PARD6G: variants seen among roughly 807,000 people sequenced by gnomAD.
PARD6G encodes partitioning defective 6 homolog gamma.
A neutral mutation model predicts 10.7 loss-of-function variants in PARD6G; 7 were observed. The observed-to-expected ratio is 0.66, with a 90% CI of 0.37 to 1.23. The LOEUF is 1.23. Among genes scored for constraint, PARD6G ranks in the 50% most tolerant of loss-of-function variants. The pLI is 0.02. For missense variants in PARD6G, 548 were observed against 571.8 expected (o/e 0.96, Z 0.42); for synonymous variants, 287 against 269.4 (o/e 1.07, Z -0.64).
At position 80,180,591 on chromosome 18, in the gene PARD6G, C is replaced by A. The variant is rs143487647; in HGVS notation, c.296-19985G>T. 4.8e-4 allele frequency among the ~76,000 whole-genome samples: 73 copies of A among 152,280 alleles called. No individual in the cohort carries two copies. The highest frequency in any genetic ancestry group is 1.7e-3 in the African/African-American group (70 of 41,544). ...TCAGAACGGCAATCACATTCTCAAG[C>A]TTAACTGTCTCTATGGCACCGCAAA... On this transcript the variant is annotated intron_variant, in intron 2 of 2. Transcript: ENST00000353265. The surrounding 1 kb of genome is among the most constrained non-coding windows in gnomAD (Gnocchi z 5.6).
At chr18:80,177,764 C>A (rs577734459) in intron 2 of PARD6G, among the ~76,000 whole-genome samples, 2 of 151,384 alleles carry the variant, frequency 1.3e-5, no homozygotes, top group African/African-American at 4.9e-5. Context: ...AGCACACGCA[C>A]CCACGAGATA....
chr18:80,233,835 T>C (rs772279867), intron 1 of PARD6G, among the ~76,000 whole-genome samples: 5 of 152,168 alleles, frequency 3.3e-5, no homozygotes, highest in Admixed American at 3.3e-4. Context: ...CTGACTGATT[T>C]ATAACCCAGC....
chr18:80,245,350 C>T (rs1331348467), intron 1 of PARD6G, among the ~76,000 whole-genome samples: 1 of 152,196 alleles, frequency 6.6e-6, no homozygotes, highest in Admixed American at 6.5e-5. Context: ...CTCATGTTAA[C>T]CAACCAGTCC....
Position 80,160,017 on chromosome 18 carries a change from G to T in PARD6G, c.885C>A (p.Ser295Arg). The part of the protein sequence containing the change: ...LQNFHPDEAE[S>R]DEDNDVVIEG... The stretch of plus-strand genomic sequence containing the variant: ...CGATGACGACGTCGTTGTCCTCATC[G>T]CTCTCCGCCTCGTCGGGGTGGAAGT... Residue 295 changes from serine to arginine, a missense_variant, in exon 3 of 3, where the codon AGC becomes AGA. Ser to Arg is a moderately radical substitution (Grantham distance 110). Transcript: ENST00000353265. The T allele has an allele frequency of 6.5e-7, 1 of 1,531,404 alleles. No homozygotes were observed. Among genetic ancestry groups the T allele is most frequent in the East Asian group, 2.3e-5 (1 of 43,666 alleles). The allele number at this position is 1,531,404 out of a possible 1,614,324, so 94.9% of individuals were successfully genotyped here.
At chr18:80,229,186 C>T (rs1419385632) in intron 1 of PARD6G, among the ~76,000 whole-genome samples, 1 of 152,218 alleles carries the variant, frequency 6.6e-6, no homozygotes. Context: ...GATCCACCCA[C>T]CTCGGTCTCC....
chr18:80,177,653 T>C (rs931262844), intron 2 of PARD6G, among the ~76,000 whole-genome samples: 20 of 145,638 alleles, frequency 1.4e-4, no homozygotes, highest in African/African-American at 5.2e-4. Flanking sequence ...AGCACACACA[T>C]GCATGCATGC....
At chr18:80,212,052 TA>T (rs964804080) in intron 1 of PARD6G, among the ~76,000 whole-genome samples, 11 of 151,860 alleles carry the variant, frequency 7.2e-5, no homozygotes, top group East Asian at 1.9e-4. Flanking sequence ...ACAATACTGA[TA>T]AAAAAAAATC....
chr18:80,237,661 AC>A (rs1293071750), intron 1 of PARD6G, among the ~76,000 whole-genome samples: 1 of 152,244 alleles, frequency 6.6e-6, no homozygotes, highest in Non-Finnish European at 1.5e-5. Flanking sequence ...CAAGAAAAAA[AC>A]AACCCCATCA....
rs1009631089 is a variant in PARD6G, at chr18:80,192,841, T to G, written c.295+9869A>C. Among the ~76,000 whole-genome samples the G allele has an allele frequency of 1.3e-5, 2 of 152,174 alleles. No individual in the cohort carries two copies. Among genetic ancestry groups the G allele is most frequent in the African/African-American group, 4.8e-5 (2 of 41,528 alleles). On this transcript the variant is annotated intron_variant, in intron 2 of 2. Transcript: ENST00000353265. The surrounding 1 kb of genome is among the most constrained non-coding windows in gnomAD (Gnocchi z 4.9). ...CTCGCCGGCCGTGGGAGCTGGGCTG[T>G]CAGTCCTCCCCTCACTCCTGTGTGG...
chr18:80,204,258 G>T (rs1967035410), intron 1 of PARD6G, among the ~76,000 whole-genome samples: 1 of 152,160 alleles, frequency 6.6e-6, no homozygotes, highest in African/African-American at 2.4e-5. Flanking sequence ...ATATCATCTA[G>T]ACATTGTATG....
At chr18:80,171,115 A>G (rs182086910) in intron 2 of PARD6G, 2 of 152,354 alleles carry the variant, frequency 1.3e-5, no homozygotes, top group East Asian at 1.9e-4. Flanking sequence ...AGTAAAAGTA[A>G]TAATTAAAAA....
intron 2 of PARD6G, among the ~76,000 whole-genome samples, chr18:80,167,820 TG>T (rs1300427940): frequency 1.3e-5 from 2 of 152,068 alleles, no homozygotes; most frequent in Non-Finnish European, 2.9e-5. Context: ...CCCCTGGGCC[TG>T]GGGTGCAGCT....
chr18:80,191,599 C>A (rs1420842869), intron 2 of PARD6G, among the ~76,000 whole-genome samples: 2 of 152,204 alleles, frequency 1.3e-5, no homozygotes, highest in Admixed American at 6.5e-5. Flanking sequence ...TATCTGCTCA[C>A]AAGAAATTTT....
intron 2 of PARD6G, among the ~76,000 whole-genome samples, chr18:80,195,788 T>G (rs1342639542): frequency 6.7e-6 from 1 of 150,138 alleles, no homozygotes; most frequent in Non-Finnish European, 1.5e-5. Flanking sequence ...GGCAGGAGAA[T>G]CGCTTGAACC....
rs886722734 is a variant in PARD6G, at chr18:80,246,146, C to A, written c.72+1131G>T. On this transcript the variant is annotated intron_variant, in intron 1 of 2. Transcript: ENST00000353265. This position sits in a 1 kb window ranked among gnomAD's most constrained non-coding sequence, Gnocchi z 6.7. Reference sequence around the variant, plus strand: ...CAAGATAGGCACACAGTTAGGGGTGCGGGCTCCCACTCCGCCGTTAGGAGC... The same window carrying A: ...CAAGATAGGCACACAGTTAGGGGTGAGGGCTCCCACTCCGCCGTTAGGAGC... Among the ~76,000 whole-genome samples the A allele has an allele frequency of 6.6e-6, 1 of 152,054 alleles. No homozygotes were observed. The highest frequency in any genetic ancestry group is 1.9e-4 in the East Asian group (1 of 5,180).
At chr18:80,238,847 T>A (rs1039792017) in intron 1 of PARD6G, among the ~76,000 whole-genome samples, 1 of 117,780 alleles carries the variant, frequency 8.5e-6, no homozygotes, top group Admixed American at 9.5e-5. Flanking sequence ...TGCTGGGAGG[T>A]CACAGAATCG....
intron 1 of PARD6G, among the ~76,000 whole-genome samples, chr18:80,204,011 A>G (rs557138258): frequency 6.6e-6 from 1 of 152,028 alleles, no homozygotes; most frequent in South Asian, 2.1e-4. Flanking sequence ...TTTCCAGCAG[A>G]CCCCAACCCT....
At chr18:80,220,799 T>C (rs1967219907) in intron 1 of PARD6G, among the ~76,000 whole-genome samples, 2 of 152,042 alleles carry the variant, frequency 1.3e-5, no homozygotes, top group African/African-American at 4.8e-5. Flanking sequence ...TTAGTAGAGA[T>C]GGAGTTTCAC....
chr18:80,233,050 G>T (rs1967378092), intron 1 of PARD6G, among the ~76,000 whole-genome samples: 1 of 151,244 alleles, frequency 6.6e-6, no homozygotes, highest in Non-Finnish European at 1.5e-5. Flanking sequence ...AAGGGACAGA[G>T]CTCCACACAC....
Sources: gnomAD v4.1 joint callset for allele counts (sites outside exome capture counted in the v4.1 genomes callset) on GRCh38, gnomAD v4.1.1 for gene constraint, Gnocchi (gnomAD v3.1) non-coding constraint, MANE v1.5 for transcripts, NCBI Gene and HGNC (gene_info 2026-07-23, HGNC 2026-07-21) for gene names.